NPEPPS: variants seen among roughly 807,000 people sequenced by gnomAD.
NPEPPS encodes puromycin-sensitive aminopeptidase.
In NPEPPS, 14 loss-of-function variants were observed where a neutral mutation model predicts 115.5. The ratio of observed to expected loss-of-function variants is 0.12; its 90% CI spans 0.08 to 0.19. The LOEUF (loss-of-function observed/expected upper bound fraction) is 0.19. Ranked by LOEUF, NPEPPS falls within the 10% of genes least tolerant of loss-of-function variation. The probability of loss-of-function intolerance (pLI) is 1.00; values close to 1 mark genes in which losing one functional copy is unlikely to be tolerated. For synonymous variants in NPEPPS, 285 were observed against 390.6 expected (o/e 0.73, Z 3.19); for missense variants, 523 against 1,110.8 (o/e 0.47, Z 7.52).
chr17:47,607,812 C>T (rs1459362617), intron 17 of NPEPPS, among the ~76,000 whole-genome samples: 1 of 152,078 alleles, frequency 6.6e-6, no homozygotes, highest in East Asian at 1.9e-4. Context: ...AATGAAGTTG[C>T]CATGTACAGG....
chr17:47,546,246 C>T (rs898891898), intron 2 of NPEPPS, among the ~76,000 whole-genome samples: 1 of 151,696 alleles, frequency 6.6e-6, no homozygotes, highest in Non-Finnish European at 1.5e-5. Flanking sequence ...GGCCACGTGG[C>T]GAAACAAAAA....
upstream of NPEPPS, among the ~76,000 whole-genome samples, chr17:47,529,966 TCA>T (rs1350112593): frequency 7.1e-6 from 1 of 141,006 alleles, no homozygotes; most frequent in Admixed American, 7.4e-5. Context: ...AGACAGAGTC[TCA>T]CTCTGTCGCC....
At chr17:47,540,628 C>G (rs924232695) in intron 1 of NPEPPS, among the ~76,000 whole-genome samples, 65 of 152,210 alleles carry the variant, frequency 4.3e-4, no homozygotes, top group Non-Finnish European at 9.1e-4. Context: ...TAATACAATA[C>G]ATAGTTTTTA....
intron 17 of NPEPPS, among the ~76,000 whole-genome samples, chr17:47,605,774 T>C (rs950896664): frequency 1.3e-5 from 2 of 152,358 alleles, no homozygotes; most frequent in South Asian, 2.1e-4. Flanking sequence ...ATATAATTTG[T>C]GCACATGGTG....
At position 47,596,304 on chromosome 17, in the gene NPEPPS, A is replaced by G. The variant is rs544155439; in HGVS notation, c.1427-49A>G. 2.5e-6 allele frequency: 3 copies of G among 1,210,284 alleles called. No homozygotes were observed. In the African/African-American group the frequency reaches 4.6e-5, roughly 19 times the overall value. 75.0% of individuals were successfully genotyped at this position (1,210,284 alleles called of 1,614,324 possible). On this transcript the variant is annotated intron_variant, in intron 12 of 22. Coordinates refer to ENST00000322157, the MANE Select transcript of NPEPPS (RefSeq NM_006310.4). Reference sequence around the variant, plus strand: ...GTTAAATAAAATTTCTTTTTTGTTTAGGAAAATAAAAATATAAACATTTTA... The same window carrying G: ...GTTAAATAAAATTTCTTTTTTGTTTGGGAAAATAAAAATATAAACATTTTA...
chr17:47,538,774 C>T (rs543082352), intron 1 of NPEPPS, among the ~76,000 whole-genome samples: 24 of 150,800 alleles, frequency 1.6e-4, no homozygotes, highest in African/African-American at 4.6e-4. Flanking sequence ...GTGATCCACC[C>T]GCCTCGGCCT....
chr17:47,585,364 T>C (rs1200487333), intron 5 of NPEPPS, 136 bp from the exon 6 acceptor site: 1 of 622,954 alleles, frequency 1.6e-6, no homozygotes, highest in Non-Finnish European at 2.8e-6. Context: ...ACTGGATGAA[T>C]TGGGGTAGAG....
rs538884817 is a variant in NPEPPS, at chr17:47,575,848, T to C, written c.419-3542T>C. 6.6e-5 allele frequency among the ~76,000 whole-genome samples: 10 copies of C among 152,160 alleles called. No homozygotes were observed. In the South Asian group the frequency reaches 1.9e-3, roughly 28 times the overall value. ...TGGTCTTGATCTCCTGACCTCGTGA[T>C]CCGCCCACCTCGGCCTCCCAAAGTG... is the stretch of plus-strand genomic sequence containing the variant. On this transcript the variant is annotated intron_variant, in intron 3 of 22. Transcript: ENST00000322157.
intron 15 of NPEPPS, among the ~76,000 whole-genome samples, chr17:47,602,904 TTTC>T (rs1305191084): frequency 6.6e-6 from 1 of 151,950 alleles, no homozygotes; most frequent in African/African-American, 2.4e-5. Context: ...ATATGAAAAA[TTTC>T]TTATAAATGA....
At chr17:47,605,690 C>G in intron 17 of NPEPPS, 138 bp downstream of exon 17, 1 of 635,180 alleles carries the variant, frequency 1.6e-6, no homozygotes, top group Non-Finnish European at 2.8e-6. Context: ...AGACGTGAGT[C>G]TTTTAAGTCT....
intron 17 of NPEPPS, among the ~76,000 whole-genome samples, chr17:47,608,850 A>G (rs1041127826): frequency 1.1e-4 from 17 of 152,226 alleles, no homozygotes; most frequent in Non-Finnish European, 2.4e-4. Flanking sequence ...GTCAGATGCT[A>G]CTACACTAAG....
At chr17:47,554,409 T>C (rs1909864737) in intron 2 of NPEPPS, among the ~76,000 whole-genome samples, 1 of 152,052 alleles carries the variant, frequency 6.6e-6, no homozygotes, top group South Asian at 2.1e-4. Flanking sequence ...TTGCCCAGGT[T>C]GGAGTGCAGT....
At chr17:47,576,507 AGTG>A (rs1472842404) in intron 3 of NPEPPS, among the ~76,000 whole-genome samples, 4 of 152,320 alleles carry the variant, frequency 2.6e-5, no homozygotes, top group East Asian at 3.9e-4. Flanking sequence ...GAAAAAAAGA[AGTG>A]GTGACACAAA....
At chr17:47,529,484 A>C (rs1287319078), upstream of NPEPPS, among the ~76,000 whole-genome samples, 1 of 144,662 alleles carries the variant, frequency 6.9e-6, no homozygotes. Context: ...GGCTCGCTGC[A>C]ACCTCCGCCT....
chr17:47,525,234 T>C (rs1907386111), intron 1 of NPEPPS, among the ~76,000 whole-genome samples: 2 of 152,186 alleles, frequency 1.3e-5, no homozygotes. Flanking sequence ...CTTGCTGCAT[T>C]GGAATCTCTT....
At chr17:47,534,529 A>G (rs1908055236) in intron 1 of NPEPPS, among the ~76,000 whole-genome samples, 1 of 152,098 alleles carries the variant, frequency 6.6e-6, no homozygotes, top group East Asian at 1.9e-4. Context: ...TGTAGGTTAC[A>G]TATTAGAAAC....
intron 18 of NPEPPS, 89 bp from the exon 19 acceptor site, chr17:47,613,580 T>C: frequency 8.8e-7 from 1 of 1,135,148 alleles, no homozygotes; most frequent in South Asian, 1.3e-5. Flanking sequence ...ATTTACAATA[T>C]TGTTTACTTG....
Position 47,619,399 on chromosome 17 carries a change from C to T in NPEPPS, c.2559+235C>T, listed in dbSNP as rs967250525. 5.7e-6 allele frequency: 3 copies of T among 528,944 alleles called. No individual in the cohort carries two copies. In the Admixed American group the frequency reaches 9.3e-5, roughly 16 times the overall value. The allele number at this position is 528,944 out of a possible 1,614,324, so 32.8% of individuals were successfully genotyped here. A position where few individuals can be genotyped will look rare whatever the true frequency, so the allele number is the denominator to read the frequency against. On this transcript the variant is annotated intron_variant, in intron 21 of 22. Transcript: ENST00000322157. ...TGAAATCCTGTCCCTACTAAAAATACAAAAATTAGCTGAGCGTGGTGGTGT... is the reference window on the plus strand; with the variant it reads ...TGAAATCCTGTCCCTACTAAAAATATAAAAATTAGCTGAGCGTGGTGGTGT...
intron 15 of NPEPPS, among the ~76,000 whole-genome samples, chr17:47,603,305 G>T (rs541629091): frequency 1.3e-5 from 2 of 152,234 alleles, no homozygotes; most frequent in South Asian, 4.1e-4. Flanking sequence ...CCAGCTGCTT[G>T]GGAGGGTGAG....
Sources: gnomAD v4.1 joint callset for allele counts (sites outside exome capture counted in the v4.1 genomes callset) on GRCh38, gnomAD v4.1.1 for gene constraint, MANE v1.5 for transcripts, NCBI Gene and HGNC (gene_info 2026-07-23, HGNC 2026-07-21) for gene names.